The following XPO1 variants were observed in gnomAD, a reference collection of about 807,000 sequenced individuals.
XPO1 encodes exportin-1.
XPO1 carries 5 observed loss-of-function variants against 133.3 expected under a neutral mutation model. That is an observed-to-expected ratio of 0.04 (90% CI 0.02 to 0.08). The LOEUF (loss-of-function observed/expected upper bound fraction) is 0.08. Ranked by LOEUF, XPO1 falls within the 10% of genes least tolerant of loss-of-function variation. XPO1 has a pLI of 1.00. For synonymous variants in XPO1, 419 were observed against 408.2 expected, an observed-to-expected ratio of 1.03 and a Z score of -0.32; for missense variants, 506 against 1,267.5, an observed-to-expected ratio of 0.40 and a Z score of 9.12.
At chr2:61,530,693 T>C (rs758569882) in intron 2 of XPO1, among the ~76,000 whole-genome samples, 2 of 151,492 alleles carry the variant, frequency 1.3e-5, no homozygotes, top group African/African-American at 2.4e-5. Context: ...CCCTTGTAAA[T>C]AATTTCTTCC....
chr2:61,530,224 C>T (rs1055619349), intron 2 of XPO1, among the ~76,000 whole-genome samples: 6 of 152,102 alleles, frequency 3.9e-5, no homozygotes, highest in Non-Finnish European at 7.4e-5. Flanking sequence ...CAAATACTTC[C>T]CACACTATCA....
intron 3 of XPO1, chr2:61,525,312 C>T: frequency 1.0e-6 from 1 of 986,104 alleles, no homozygotes; most frequent in Non-Finnish European, 1.2e-6. Flanking sequence ...GTCAGTTGCA[C>T]AGGAAGACAC....
chr2:61,530,387 TA>T (rs912252260), intron 2 of XPO1, among the ~76,000 whole-genome samples: 20 of 148,456 alleles, frequency 1.3e-4, no homozygotes, highest in East Asian at 2.0e-4. Context: ...AGCAGGGGTT[TA>T]AAAAAAAAAG....
At chr2:61,483,846 T>C in intron 21 of XPO1, 91 bp downstream of exon 21, 1 of 1,439,964 alleles carries the variant, frequency 6.9e-7, no homozygotes, top group Admixed American at 2.1e-5. Context: ...CACTCAAAAC[T>C]CTGAACAAGT....
chr2:61,526,007 C>T, intron 3 of XPO1: 2 of 1,062,428 alleles, frequency 1.9e-6, no homozygotes, highest in African/African-American at 1.6e-5. Context: ...CCATTAGAAG[C>T]CCAATGCCAT....
intron 4 of XPO1, 109 bp from the exon 5 acceptor site, chr2:61,502,419 T>C (rs1025178456): frequency 8.4e-6 from 9 of 1,066,464 alleles, no homozygotes; most frequent in African/African-American, 4.8e-5. Flanking sequence ...GTAAAATCAG[T>C]TAATATACTC....
chr2:61,482,922 T>G (rs1696472425), intron 22 of XPO1, 35 bp downstream of exon 22: 1 of 1,612,016 alleles, frequency 6.2e-7, no homozygotes, highest in Admixed American at 1.7e-5. Context: ...TGTGCCCAGC[T>G]GGCACTTAAC....
chr2:61,487,257 C>T (rs1202268430), intron 19 of XPO1, among the ~76,000 whole-genome samples: 1 of 152,090 alleles, frequency 6.6e-6, no homozygotes, highest in South Asian at 2.1e-4. Flanking sequence ...AAAGATGATA[C>T]CCTTTGTATT....
Position 61,527,932 on chromosome 2 carries a change from T to C in XPO1, c.127-1411A>G, listed in dbSNP as rs965341831. On this transcript the variant is annotated intron_variant, in intron 2 of 24. Coordinates refer to ENST00000401558, the MANE Select transcript of XPO1 (RefSeq NM_003400.4). ...CCTTCCTTTATTCCTTTTTTCTCTC[T>C]TTTTTTTTTTTAAAGTTGGAGTCTT... 2.1e-5 allele frequency among the ~76,000 whole-genome samples: 3 copies of C among 143,198 alleles called. No individual in the cohort carries two copies. The Admixed American group carries it at 2.1e-4, about 10-fold the overall frequency. 93.9% of individuals were successfully genotyped at this position (143,198 alleles called of 152,430 possible).
Position 61,478,906 on chromosome 2 carries a change from G to C in XPO1, c.3130C>G (p.Gln1044Glu). Residue 1044 changes from glutamine (Q) to glutamate (E), a missense_variant, in exon 25 of 25, where the codon CAG (glutamine) becomes GAG (glutamate). Transcript: ENST00000401558. ...CGTTTATGTTTCTCTTCATCAGCCT[G>C]CCGTAGGGCTATTTCTCTCTCTTCC... ...FLEEREIALR[Q>E]ADEEKHKRQM... 1 of 1,614,118 alleles carries C rather than the reference G, an allele frequency of 6.2e-7. No individual in the cohort carries two copies. The highest frequency in any genetic ancestry group is 8.5e-7 in the Non-Finnish European group (1 of 1,180,016).
At chr2:61,517,171 G>C (rs1461894082) in intron 4 of XPO1, among the ~76,000 whole-genome samples, 3 of 152,260 alleles carry the variant, frequency 2.0e-5, no homozygotes, top group Middle Eastern at 3.4e-3. Flanking sequence ...AAAGTGCTGG[G>C]ATTACAGGTG....
chr2:61,514,101 C>T (rs187064658), intron 4 of XPO1, among the ~76,000 whole-genome samples: 4 of 151,612 alleles, frequency 2.6e-5, no homozygotes, highest in Admixed American at 1.3e-4. Flanking sequence ...ACAGGAGAAT[C>T]GCTTGAACCC....
Position 61,504,278 on chromosome 2 carries a change from T to G in XPO1, c.302-1968A>C, listed in dbSNP as rs147530682. Among the ~76,000 whole-genome samples, 417 of 152,324 alleles carry G rather than the reference T, an allele frequency of 2.7e-3. 1 individual carries two copies. The highest frequency in any genetic ancestry group is 9.4e-3 in the African/African-American group (390 of 41,584). On this transcript the variant is annotated intron_variant, in intron 4 of 24. Transcript: ENST00000401558. ...ATCCTTGATTTTAATTTGCATCATG[T>G]AGAATTTGCTGAGCATCTACTATAG...
intron 2 of XPO1, among the ~76,000 whole-genome samples, chr2:61,532,443 A>T (rs995453988): frequency 1.3e-5 from 2 of 152,024 alleles, no homozygotes; most frequent in Non-Finnish European, 2.9e-5. Context: ...CAGTTTCTTA[A>T]TTATGCAAAT....
intron 9 of XPO1, 26 bp downstream of exon 9, chr2:61,498,647 A>G (rs1246523100): frequency 6.2e-7 from 1 of 1,610,268 alleles, no homozygotes; most frequent in African/African-American, 1.3e-5. Flanking sequence ...ATCCGGTGAC[A>G]AATAACTGAA....
intron 2 of XPO1, among the ~76,000 whole-genome samples, chr2:61,528,768 T>TATAA: frequency 1.1e-5 from 1 of 91,436 alleles, no homozygotes; most frequent in Middle Eastern, 8.2e-3. Flanking sequence ...TATATATATA[T>TATAA]ATATATATAT....
chr2:61,483,855 G>T (rs1696537588), intron 21 of XPO1, 82 bp downstream of exon 21: 2 of 1,482,908 alleles, frequency 1.3e-6, no homozygotes, highest in Non-Finnish European at 1.9e-6. Flanking sequence ...CTCTGAACAA[G>T]TAATACCTTC....
At chr2:61,524,752 A>G (rs907220946) in intron 3 of XPO1, among the ~76,000 whole-genome samples, 1 of 152,186 alleles carries the variant, frequency 6.6e-6, no homozygotes, top group African/African-American at 2.4e-5. Context: ...CCCCACTTCT[A>G]TAAAAAAATT....
At chr2:61,521,750 TTTG>T (rs765888060) in intron 4 of XPO1, among the ~76,000 whole-genome samples, 4 of 152,052 alleles carry the variant, frequency 2.6e-5, no homozygotes, top group African/African-American at 9.7e-5. Flanking sequence ...TATGGTTTTT[TTTG>T]TTGTTGTTGT....
Sources: gnomAD v4.1 joint callset for allele counts (sites outside exome capture counted in the v4.1 genomes callset) on GRCh38, gnomAD v4.1.1 for gene constraint, MANE v1.5 for transcripts, NCBI Gene and HGNC (gene_info 2026-07-23, HGNC 2026-07-21) for gene names.